GULP1: variants seen among roughly 807,000 people sequenced by gnomAD.
GULP1 encodes GULP PTB domain containing engulfment adaptor 1, also known as PTB domain-containing engulfment adapter protein 1.
Under a neutral mutation model 40.9 loss-of-function variants are expected in GULP1, and 19 were observed. That is an observed-to-expected ratio of 0.46 (90% CI 0.32 to 0.68). GULP1 has a LOEUF of 0.68. GULP1 is among the 30% of genes least tolerant of loss of function. The pLI is 0.03. For missense variants in GULP1, 312 were observed against 362.2 expected (o/e 0.86, Z 1.12); for synonymous variants, 119 against 117.6 (o/e 1.01, Z -0.08).
At chr2:188,512,949 T>A (rs2064748926) in intron 4 of GULP1, among the ~76,000 whole-genome samples, 1 of 152,146 alleles carries the variant, frequency 6.6e-6, no homozygotes, top group African/African-American at 2.4e-5. Context: ...GTCACCAAGG[T>A]AAATATTTTG....
At chr2:188,530,095 T>C (rs1401209471) in intron 6 of GULP1, among the ~76,000 whole-genome samples, 5 of 152,110 alleles carry the variant, frequency 3.3e-5, no homozygotes, top group Non-Finnish European at 7.4e-5. Flanking sequence ...CTGCCTGTAA[T>C]TGGCTGAAAC....
At chr2:188,562,428 T>C (rs1696547941) in intron 7 of GULP1, among the ~76,000 whole-genome samples, 1 of 152,178 alleles carries the variant, frequency 6.6e-6, no homozygotes, top group South Asian at 2.1e-4. Context: ...TTTTGGTGTT[T>C]CCTGTCACTT....
intron 10 of GULP1, among the ~76,000 whole-genome samples, chr2:188,587,087 G>A (rs1175398536): frequency 6.6e-6 from 1 of 151,690 alleles, no homozygotes; most frequent in Non-Finnish European, 1.5e-5. Flanking sequence ...TTGATTCAGA[G>A]GAAAGAAATT....
At chr2:188,501,745 C>T (rs78549220) in intron 4 of GULP1, among the ~76,000 whole-genome samples, 6,367 of 151,986 alleles carry the variant, frequency 0.042, 305 homozygotes, top group African/African-American at 0.11. Flanking sequence ...AACTACACAG[C>T]GTCTTAGAAA....
intron 1 of GULP1, among the ~76,000 whole-genome samples, chr2:188,305,534 T>A (rs2036906914): frequency 6.6e-6 from 1 of 152,154 alleles, no homozygotes; most frequent in Non-Finnish European, 1.5e-5. Flanking sequence ...GAGTCCTGCT[T>A]GGGCAGGTAA....
chr2:188,570,897 T>G (rs1322854488), intron 9 of GULP1, among the ~76,000 whole-genome samples: 1 of 152,186 alleles, frequency 6.6e-6, no homozygotes, highest in African/African-American at 2.4e-5. Flanking sequence ...GTGGCTTATA[T>G]CTGTAATCCC....
intron 1 of GULP1, among the ~76,000 whole-genome samples, chr2:188,364,494 A>G (rs1185958189): frequency 3.3e-5 from 5 of 152,156 alleles, no homozygotes; most frequent in Non-Finnish European, 5.9e-5. Context: ...AGAGGGAGCT[A>G]TAAGACAGAC....
chr2:188,486,021 C>T (rs768297625), intron 4 of GULP1, among the ~76,000 whole-genome samples: 2 of 151,928 alleles, frequency 1.3e-5, no homozygotes, highest in African/African-American at 4.8e-5. Context: ...TATAACTTAG[C>T]CAAGTTGACA....
At chr2:188,381,059 A>C (rs1018140852) in intron 1 of GULP1, among the ~76,000 whole-genome samples, 1 of 152,150 alleles carries the variant, frequency 6.6e-6, no homozygotes, top group Non-Finnish European at 1.5e-5. Context: ...AATTTTAAGA[A>C]GCATTTGAAT....
chr2:188,422,005 T>G (rs1281295450), intron 2 of GULP1, among the ~76,000 whole-genome samples: 1 of 151,912 alleles, frequency 6.6e-6, no homozygotes. Context: ...TTATTTATAT[T>G]TCATGTGTGT....
chr2:188,438,315 C>G (rs2057603734), intron 2 of GULP1, among the ~76,000 whole-genome samples: 1 of 151,510 alleles, frequency 6.6e-6, no homozygotes, highest in African/African-American at 2.4e-5. Flanking sequence ...CAAAGCTTGC[C>G]CTCATGAAGT....
chr2:188,373,194 C>T (rs367983274), intron 1 of GULP1, among the ~76,000 whole-genome samples: 1 of 151,730 alleles, frequency 6.6e-6, no homozygotes, highest in South Asian at 2.1e-4. Context: ...TGGAGAAGAA[C>T]ATTCTAGAGA....
chr2:188,484,625 T>C (rs1192318705), intron 4 of GULP1, among the ~76,000 whole-genome samples: 1 of 152,038 alleles, frequency 6.6e-6, no homozygotes, highest in East Asian at 1.9e-4. Context: ...GGCATAGCAA[T>C]TATTTCAGGA....
At chr2:188,370,696 G>C (rs2047485996) in intron 1 of GULP1, among the ~76,000 whole-genome samples, 1 of 152,164 alleles carries the variant, frequency 6.6e-6, no homozygotes, top group South Asian at 2.1e-4. Context: ...TGTAGTCTCT[G>C]TCTTGAATAA....
At chr2:188,338,098 G>T (rs900553391) in intron 1 of GULP1, among the ~76,000 whole-genome samples, 1 of 151,936 alleles carries the variant, frequency 6.6e-6, no homozygotes, top group East Asian at 1.9e-4. Flanking sequence ...AATTTAAAGA[G>T]CAGGTTCTTG....
At chr2:188,577,761 T>C (rs1385174048) in intron 9 of GULP1, among the ~76,000 whole-genome samples, 1 of 152,066 alleles carries the variant, frequency 6.6e-6, no homozygotes. Flanking sequence ...AAAACACAGA[T>C]CTTCTGCTGT....
At chr2:188,483,188 GGT>G (rs1322283693) in intron 3 of GULP1, among the ~76,000 whole-genome samples, 1 of 151,792 alleles carries the variant, frequency 6.6e-6, no homozygotes, top group Non-Finnish European at 1.5e-5. Context: ...TTTAAAATTT[GGT>G]ATCATTTTTA....
intron 6 of GULP1, among the ~76,000 whole-genome samples, chr2:188,538,761 T>C (rs1274154955): frequency 6.6e-6 from 1 of 151,834 alleles, no homozygotes; most frequent in Non-Finnish European, 1.5e-5. Context: ...GGATACAACC[T>C]ATTCATAGAC....
chr2:188,375,514 A>T (rs2048182898), intron 1 of GULP1, among the ~76,000 whole-genome samples: 1 of 152,206 alleles, frequency 6.6e-6, no homozygotes, highest in African/African-American at 2.4e-5. Context: ...CCTTCATTCC[A>T]GCAGCTTCCA....
Sources: gnomAD v4.1 joint callset for allele counts (sites outside exome capture counted in the v4.1 genomes callset) on GRCh38, gnomAD v4.1.1 for gene constraint, MANE v1.5 for transcripts, NCBI Gene and HGNC (gene_info 2026-07-23, HGNC 2026-07-21) for gene names.